The following SUMF1 variants were observed in gnomAD, a reference collection of about 807,000 sequenced individuals.
The protein encoded by SUMF1 is formylglycine-generating enzyme.
Under a neutral mutation model 47.6 loss-of-function variants are expected in SUMF1, and 48 were observed. The observed-to-expected ratio is 1.01, with a 90% CI of 0.80 to 1.28. The LOEUF is 1.28. Among genes scored for constraint, SUMF1 ranks in the 50% most tolerant of loss-of-function variants. SUMF1 has a pLI of 0.00. For missense variants in SUMF1, 571 were observed against 485.4 expected (o/e 1.18, Z -1.66); for synonymous variants, 230 against 192.1 (o/e 1.20, Z -1.63).
At chr3:4,096,291 C>T (rs1198062872) in intron 8 of SUMF1, among the ~76,000 whole-genome samples, 1 of 152,072 alleles carries the variant, frequency 6.6e-6, no homozygotes, top group African/African-American at 2.4e-5. Context: ...ACACAAGGAC[C>T]CTAATTCCAT....
chr3:4,418,268 C>G, intron 4 of SUMF1, 136 bp from the exon 5 acceptor site: 1 of 1,314,032 alleles, frequency 7.6e-7, no homozygotes, highest in Non-Finnish European at 1.1e-6. Flanking sequence ...AAGTCAAACC[C>G]CAGCCATGCT....
At chr3:4,358,548 AC>A (rs1699673213), downstream of SUMF1, among the ~76,000 whole-genome samples, 2 of 152,212 alleles carry the variant, frequency 1.3e-5, no homozygotes, top group Non-Finnish European at 2.9e-5. Context: ...ATGTTTTGAA[AC>A]AAGCAGGCAC....
At chr3:4,374,375 T>G (rs1043450197) in intron 8 of SUMF1, among the ~76,000 whole-genome samples, 6 of 152,210 alleles carry the variant, frequency 3.9e-5, no homozygotes, top group Non-Finnish European at 8.8e-5. Flanking sequence ...ACCATGTAAG[T>G]GTACTTAATA....
At chr3:4,267,073 G>A (rs1267304644) in intron 8 of SUMF1, among the ~76,000 whole-genome samples, 1 of 152,278 alleles carries the variant, frequency 6.6e-6, no homozygotes, top group East Asian at 1.9e-4. Flanking sequence ...CAGGGATGAA[G>A]CCCACTTGAT....
At chr3:4,396,038 G>A (rs935443501) in intron 7 of SUMF1, among the ~76,000 whole-genome samples, 1 of 152,192 alleles carries the variant, frequency 6.6e-6, no homozygotes, top group Non-Finnish European at 1.5e-5. Context: ...GAGATTGAAA[G>A]GTGGAACTAT....
chr3:4,366,615 G>T (rs914392620), intron 8 of SUMF1, among the ~76,000 whole-genome samples: 12 of 151,376 alleles, frequency 7.9e-5, no homozygotes, highest in Non-Finnish European at 1.0e-4. Context: ...TTATACATTC[G>T]TCTAAATTTT....
intron 7 of SUMF1, 113 bp downstream of exon 7, chr3:4,410,752 T>C (rs1245074632): frequency 7.4e-6 from 7 of 944,212 alleles, no homozygotes; most frequent in Non-Finnish European, 1.2e-5. Context: ...AATCCCAAGA[T>C]TAATTTCCAG....
intron 8 of SUMF1, among the ~76,000 whole-genome samples, chr3:4,123,030 C>G (rs968700662): frequency 3.3e-5 from 5 of 152,112 alleles, no homozygotes; most frequent in African/African-American, 1.2e-4. Flanking sequence ...TTAGGTAAGA[C>G]AGAAGTGGCC....
chr3:4,255,149 G>A (rs779307212), intron 8 of SUMF1, among the ~76,000 whole-genome samples: 2,931 of 148,888 alleles, frequency 0.02, 54 homozygotes, highest in Non-Finnish European at 0.03. Flanking sequence ...GGTACCAGCC[G>A]CTGCAAAATC....
intron 8 of SUMF1, among the ~76,000 whole-genome samples, chr3:4,298,207 T>C (rs2125061601): frequency 6.6e-6 from 1 of 152,280 alleles, no homozygotes; most frequent in South Asian, 2.1e-4. Flanking sequence ...CATCTAGCTA[T>C]AATGGTTTGC....
In SUMF1 at chr3:4,239,756, C is replaced by T. The variant is rs1696496363; in HGVS notation, c.1014+136574G>A. 6.6e-5 allele frequency among the ~76,000 whole-genome samples: 10 copies of T among 152,116 alleles called. No homozygotes were observed. The South Asian group carries it at 2.1e-3, about 32-fold the overall frequency. On this transcript the variant is annotated intron_variant and NMD_transcript_variant, in intron 8 of 12. Transcript: ENST00000448413. ...CTTCCTCTTTTCCTAATTGAATACC[C>T]TTTATTTCTTTCTCTTGCCTGATTG...
At chr3:4,156,433 G>C (rs1018050014) in intron 8 of SUMF1, among the ~76,000 whole-genome samples, 3 of 151,430 alleles carry the variant, frequency 2.0e-5, no homozygotes. Flanking sequence ...GGGTTTTCTG[G>C]TTTGTTCCCC....
rs371519484 is a variant in SUMF1 at position 4,390,772 on chromosome 3, C to A, written c.955-14383G>T. On this transcript the variant is annotated intron_variant, in intron 7 of 8. Coordinates refer to ENST00000272902, the MANE Select transcript of SUMF1 (RefSeq NM_182760.4). ...TAATTTTTGTATTTTTTATAGAGAC[C>A]AGGTTTTGTCATGTTGCCTAGGCTG... Among the ~76,000 whole-genome samples, 6 of 151,922 alleles carry A rather than the reference C, an allele frequency of 3.9e-5. No homozygotes were observed. In the South Asian group the frequency reaches 1.2e-3, roughly 32 times the overall value.
At chr3:4,205,346 T>C (rs1695628010) in intron 8 of SUMF1, among the ~76,000 whole-genome samples, 1 of 152,162 alleles carries the variant, frequency 6.6e-6, no homozygotes, top group South Asian at 2.1e-4. Flanking sequence ...TTGCTGACTG[T>C]CTTTTTGGAC....
chr3:4,386,122 T>C (rs2124905449), intron 7 of SUMF1, among the ~76,000 whole-genome samples: 1 of 152,346 alleles, frequency 6.6e-6, no homozygotes, highest in African/African-American at 2.4e-5. Flanking sequence ...TTCCTTTGCC[T>C]TTCCATATAT....
At chr3:4,366,900 G>A (rs1236723930) in intron 8 of SUMF1, among the ~76,000 whole-genome samples, 3 of 152,092 alleles carry the variant, frequency 2.0e-5, no homozygotes, top group East Asian at 3.9e-4. Context: ...TTTTTGGTGT[G>A]GACGTCCTTT....
At position 4,340,105 on chromosome 3, in the gene SUMF1, G is replaced by GCGCGCA. The variant is rs1553559568; in HGVS notation, c.1014+36224_1014+36225insTGCGCG. Among the ~76,000 whole-genome samples the GCGCGCA allele has an allele frequency of 1.1e-4, 16 of 150,680 alleles. No individual in the cohort carries two copies. In the South Asian group the frequency reaches 2.5e-3, roughly 24 times the overall value. On this transcript the variant is annotated intron_variant and NMD_transcript_variant, in intron 8 of 12. Coordinates refer to the SUMF1 transcript ENST00000448413. ...AACACACACACACAGGCACCAATGT[G>GCGCGCA]CACACACACACACACACACAAACAC...
At chr3:4,206,398 G>A (rs1695653501) in intron 8 of SUMF1, among the ~76,000 whole-genome samples, 1 of 152,074 alleles carries the variant, frequency 6.6e-6, no homozygotes, top group Admixed American at 6.5e-5. Context: ...GAGCACTTTA[G>A]CTGGACCATT....
chr3:4,179,286 T>C (rs1173911537), intron 8 of SUMF1, among the ~76,000 whole-genome samples: 2 of 152,090 alleles, frequency 1.3e-5, no homozygotes, highest in Non-Finnish European at 2.9e-5. Flanking sequence ...CTTCAAACTA[T>C]ACTACAAGGC....
Sources: allele counts gnomAD v4.1 joint callset (sites outside exome capture counted in the v4.1 genomes callset), GRCh38; gene constraint gnomAD v4.1.1; transcripts MANE v1.5; gene names NCBI Gene and HGNC (gene_info 2026-07-23, HGNC 2026-07-21).